DLG2: variants seen among roughly 807,000 people sequenced by gnomAD.
DLG2 encodes disks large homolog 2.
A neutral mutation model predicts 132.5 loss-of-function variants in DLG2; 45 were observed. That is an observed-to-expected ratio of 0.34 (90% CI 0.27 to 0.44). The LOEUF is 0.44. DLG2 is among the 20% of genes least tolerant of loss of function. The pLI is 1.00. For missense variants in DLG2, 1,045 were observed against 1,196.9 expected (o/e 0.87, Z 1.87); for synonymous variants, 424 against 419.6 (o/e 1.01, Z -0.13).
chr11:85,017,232 T>C (rs914623252), intron 6 of DLG2, among the ~76,000 whole-genome samples: 1 of 152,134 alleles, frequency 6.6e-6, no homozygotes, highest in Non-Finnish European at 1.5e-5. Context: ...AGTCTAAAAA[T>C]GTTAGTTTAG....
At chr11:83,826,339 G>A (rs2153988587) in intron 17 of DLG2, among the ~76,000 whole-genome samples, 1 of 152,296 alleles carries the variant, frequency 6.6e-6, no homozygotes, top group East Asian at 1.9e-4. Context: ...CTCCCCTGGA[G>A]CCTCTTCACA....
At chr11:83,676,832 G>T (rs560651002) in intron 18 of DLG2, among the ~76,000 whole-genome samples, 1 of 152,210 alleles carries the variant, frequency 6.6e-6, no homozygotes, top group African/African-American at 2.4e-5. Flanking sequence ...ATTTATCCAT[G>T]TCCCTTGGAT....
At chr11:85,583,961 T>C (rs1378948501) in intron 3 of DLG2, among the ~76,000 whole-genome samples, 2 of 152,242 alleles carry the variant, frequency 1.3e-5, no homozygotes, top group Non-Finnish European at 2.9e-5. Context: ...CCCTGGTTAA[T>C]TGGGAAAAGT....
chr11:85,020,928 C>G (rs1046911862), intron 6 of DLG2: 4 of 771,434 alleles, frequency 5.2e-6, no homozygotes, highest in African/African-American at 3.4e-5. Flanking sequence ...ATCTGCACCG[C>G]CCTCAGACTC....
intron 8 of DLG2, among the ~76,000 whole-genome samples, chr11:84,192,542 A>G (rs1354820985): frequency 1.3e-5 from 2 of 152,150 alleles, no homozygotes; most frequent in Admixed American, 1.3e-4. Flanking sequence ...AATCCTGGCT[A>G]ACATGGTGAA....
chr11:85,385,411 T>G (rs2152936591), intron 3 of DLG2, among the ~76,000 whole-genome samples: 1 of 152,268 alleles, frequency 6.6e-6, no homozygotes, highest in South Asian at 2.1e-4. Context: ...GTAGGGAAGT[T>G]ATTTCTTCCC....
chr11:85,090,172 G>C (rs2068537680), intron 6 of DLG2, among the ~76,000 whole-genome samples: 1 of 152,146 alleles, frequency 6.6e-6, no homozygotes, highest in Admixed American at 6.5e-5. Context: ...TGATGTGATG[G>C]AGACTGCCTC....
chr11:84,441,837 G>A (rs1357445453), intron 7 of DLG2, among the ~76,000 whole-genome samples: 2 of 152,212 alleles, frequency 1.3e-5, no homozygotes, highest in Admixed American at 1.3e-4. Flanking sequence ...TCTGTATATG[G>A]CTAGCCAGTT....
chr11:84,289,019 T>C (rs908007269), intron 7 of DLG2, among the ~76,000 whole-genome samples: 5 of 152,252 alleles, frequency 3.3e-5, no homozygotes, highest in South Asian at 4.1e-4. Flanking sequence ...CCCTTAATCA[T>C]GTCATATTCT....
At chr11:85,421,937 A>C (rs2090347323) in intron 3 of DLG2, among the ~76,000 whole-genome samples, 2 of 152,036 alleles carry the variant, frequency 1.3e-5, no homozygotes, top group African/African-American at 2.4e-5. Flanking sequence ...TCTTTCCTTC[A>C]TATATAAAGC....
intron 7 of DLG2, among the ~76,000 whole-genome samples, chr11:84,254,545 G>A (rs182627925): frequency 1.9e-4 from 29 of 152,146 alleles, no homozygotes; most frequent in African/African-American, 3.9e-4. Flanking sequence ...ATATCTTTAC[G>A]AGCTTTGTAA....
chr11:85,047,021 T>C (rs2062411485), intron 6 of DLG2, among the ~76,000 whole-genome samples: 1 of 151,960 alleles, frequency 6.6e-6, no homozygotes, highest in Non-Finnish European at 1.5e-5. Flanking sequence ...TAGAACACAG[T>C]GGGAAATAAG....
chr11:84,928,400 T>C (rs925427905), intron 6 of DLG2, among the ~76,000 whole-genome samples: 4 of 152,154 alleles, frequency 2.6e-5, no homozygotes, highest in Non-Finnish European at 5.9e-5. Flanking sequence ...GTAACAAATC[T>C]ACTTCATAGG....
At chr11:84,375,119 A>C (rs1476193334) in intron 7 of DLG2, among the ~76,000 whole-genome samples, 2 of 152,306 alleles carry the variant, frequency 1.3e-5, no homozygotes, top group Non-Finnish European at 2.9e-5. Context: ...CATTATTTTC[A>C]AATTACCCAC....
chr11:83,538,409 T>C (rs1374530469), intron 20 of DLG2, among the ~76,000 whole-genome samples: 1 of 152,198 alleles, frequency 6.6e-6, no homozygotes, highest in Non-Finnish European at 1.5e-5. Flanking sequence ...CAGAAAGGCA[T>C]GTGTTTGAAT....
chr11:84,643,893 G>A (rs1264404640), intron 6 of DLG2, among the ~76,000 whole-genome samples: 2 of 152,166 alleles, frequency 1.3e-5, no homozygotes, highest in Non-Finnish European at 2.9e-5. Flanking sequence ...TTGAATCATT[G>A]TGCCAGGTAG....
At chr11:83,792,916 G>A (rs966502854) in intron 17 of DLG2, among the ~76,000 whole-genome samples, 3 of 152,002 alleles carry the variant, frequency 2.0e-5, no homozygotes, top group Non-Finnish European at 4.4e-5. Flanking sequence ...AATAATATAC[G>A]ATTTTCAACT....
At chr11:85,486,088 T>G (rs2093422415) in intron 3 of DLG2, among the ~76,000 whole-genome samples, 1 of 152,182 alleles carries the variant, frequency 6.6e-6, no homozygotes, top group South Asian at 2.1e-4. Flanking sequence ...TCCCTGGTGG[T>G]AGGCCCACAG....
chr11:85,386,703 A>G (rs2152938519), intron 3 of DLG2, among the ~76,000 whole-genome samples: 1 of 152,096 alleles, frequency 6.6e-6, no homozygotes, highest in East Asian at 1.9e-4. Flanking sequence ...ATCCTTTAAA[A>G]GAAAGGAGCT....
Sources: gnomAD v4.1 joint callset for allele counts (sites outside exome capture counted in the v4.1 genomes callset) on GRCh38, gnomAD v4.1.1 for gene constraint, MANE v1.5 for transcripts, NCBI Gene and HGNC (gene_info 2026-07-23, HGNC 2026-07-21) for gene names.